HADHA: variants seen among roughly 807,000 people sequenced by gnomAD.
HADHA encodes trifunctional enzyme subunit alpha, mitochondrial.
A neutral mutation model predicts 91.3 loss-of-function variants in HADHA; 59 were observed. That is an observed-to-expected ratio of 0.65 (90% confidence interval 0.52 to 0.80). The LOEUF (loss-of-function observed/expected upper bound fraction) is 0.80, where lower values mean the gene tolerates loss of function less well. HADHA is among the 30% of genes least tolerant of loss of function. HADHA has a pLI of 0.00. For missense variants in HADHA, 800 were observed against 927.6 expected, an observed-to-expected ratio of 0.86 and a Z score of 1.79; for synonymous variants, 320 against 338.9, an observed-to-expected ratio of 0.94 and a Z score of 0.61.
chr2:26,231,218 T>A (rs1222759743), intron 6 of HADHA, among the ~76,000 whole-genome samples: 1 of 152,228 alleles, frequency 6.6e-6, no homozygotes, highest in Non-Finnish European at 1.5e-5. Flanking sequence ...ACATTATTAT[T>A]ATTAGAAAAT....
intron 11 of HADHA, among the ~76,000 whole-genome samples, chr2:26,207,553 C>T (rs1311151890): frequency 6.6e-6 from 1 of 152,108 alleles, no homozygotes; most frequent in Non-Finnish European, 1.5e-5. Context: ...GTTAAATTAA[C>T]ACACTTCACA....
chr2:26,201,822 T>A (rs564983886), intron 12 of HADHA, among the ~76,000 whole-genome samples: 1 of 151,878 alleles, frequency 6.6e-6, no homozygotes, highest in African/African-American at 2.4e-5. Context: ...TGAGACGGAG[T>A]CTCGCTCTGT....
chr2:26,214,342 A>G lies in HADHA; in HGVS notation c.918+101T>C. On this transcript the variant is annotated intron_variant, in intron 9 of 19. Coordinates refer to ENST00000380649, the MANE Select transcript of HADHA (RefSeq NM_000182.5). This position sits in a 1 kb window ranked among gnomAD's most constrained non-coding sequence, Gnocchi z 4.1. The stretch of plus-strand genomic sequence containing the variant: ...AATACTTTAATAGCAGAATTAAGAA[A>G]TTTAGTACTCAACATACATGGTCCA... 1 of 781,560 alleles carries G rather than the reference A, an allele frequency of 1.3e-6. No individual in the cohort carries two copies. The highest frequency in any genetic ancestry group is 2.4e-6 in the Non-Finnish European group (1 of 425,036). The allele number at this position is 781,560 out of a possible 1,614,324, so 48.4% of individuals were successfully genotyped here. A position where few individuals can be genotyped will look rare whatever the true frequency, so the allele number is the denominator to read the frequency against.
intron 5 of HADHA, among the ~76,000 whole-genome samples, chr2:26,233,791 A>C (rs1670681837): frequency 6.6e-6 from 1 of 152,226 alleles, no homozygotes; most frequent in African/African-American, 2.4e-5. Context: ...ATAACTAAAA[A>C]CAAAGCTATT....
chr2:26,241,423 C>T (rs1395592754), intron 1 of HADHA, among the ~76,000 whole-genome samples: 1 of 151,066 alleles, frequency 6.6e-6, no homozygotes, highest in East Asian at 1.9e-4. Context: ...AGTTAGAGAC[C>T]AGCCTGGCTG....
At position 26,191,741 on chromosome 2, in the gene HADHA, T is replaced by G. The variant is rs539850142; in HGVS notation, c.2001-113A>C. 1.9e-4 allele frequency: 205 copies of G among 1,066,270 alleles called. 1 individual carries two copies. Among genetic ancestry groups the G allele is most frequent in the Non-Finnish European group, 2.9e-4 (196 of 684,676 alleles). 66.1% of individuals were successfully genotyped at this position (1,066,270 alleles called of 1,614,324 possible). A position where few individuals can be genotyped will look rare whatever the true frequency, so the allele number is the denominator to read the frequency against. Reference sequence around the variant, plus strand: ...GTGCATGGGGAGCTCTGTGGGCCGGTTGGTGCTGGCCCTCAGAGAAGATGC... The same window carrying G: ...GTGCATGGGGAGCTCTGTGGGCCGGGTGGTGCTGGCCCTCAGAGAAGATGC... On this transcript the variant is annotated intron_variant, in intron 18 of 19. Coordinates refer to ENST00000380649, the MANE Select transcript of HADHA (RefSeq NM_000182.5).
Position 26,197,687 on chromosome 2 carries a change from T to G in HADHA, c.1479+4A>C, listed in dbSNP as rs756864103. The G allele has an allele frequency of 3.0e-6, 4 of 1,326,456 alleles. No homozygotes were observed. In the South Asian group the frequency reaches 4.7e-5, roughly 16 times the overall value. 82.2% of individuals were successfully genotyped at this position (1,326,456 alleles called of 1,614,324 possible). A position where few individuals can be genotyped will look rare whatever the true frequency, so the allele number is the denominator to read the frequency against. ...CTCAGGGTTTTTCTCTGTTCCGAGT[T>G]TACCTTCTCAGGTCTTTTGCTGACA... On this transcript the variant is annotated splice_donor_region_variant and intron_variant, in intron 14 of 19. Coordinates refer to ENST00000380649, the MANE Select transcript of HADHA (RefSeq NM_000182.5).
In HADHA at chr2:26,212,637, T is replaced by C. The variant is rs776863060; in HGVS notation, c.919-11A>G. On this transcript the variant is annotated splice_polypyrimidine_tract_variant and intron_variant, in intron 9 of 19. Transcript: ENST00000380649. ...TCCAGTCTTTACCACCTAAAAAACA[T>C]ATAAAGCACTTGCTCAGCGTTGGAA... 8 of 1,572,178 alleles carry C rather than the reference T, an allele frequency of 5.1e-6. No homozygotes were observed. Among genetic ancestry groups the C allele is most frequent in the East Asian group, 4.5e-5 (2 of 44,692 alleles).
intron 5 of HADHA, among the ~76,000 whole-genome samples, chr2:26,233,495 T>G (rs1670675197): frequency 6.6e-6 from 1 of 152,198 alleles, no homozygotes; most frequent in African/African-American, 2.4e-5. Context: ...TTCCTACATG[T>G]TCGGGTCTAG....
intron 17 of HADHA, among the ~76,000 whole-genome samples, chr2:26,193,151 T>C (rs981224310): frequency 1.7e-4 from 26 of 152,204 alleles, no homozygotes; most frequent in Admixed American, 4.6e-4. Context: ...TTCTGCACTA[T>C]TGCAGATTTC....
intron 7 of HADHA, among the ~76,000 whole-genome samples, chr2:26,222,171 GA>G (rs1457182151): frequency 6.6e-6 from 1 of 152,136 alleles, no homozygotes; most frequent in African/African-American, 2.4e-5. Context: ...AAAAAATTTG[GA>G]AACACAAAAG....
chr2:26,230,602 G>GT (rs535633594), intron 6 of HADHA, among the ~76,000 whole-genome samples: 3 of 151,886 alleles, frequency 2.0e-5, no homozygotes, highest in Non-Finnish European at 2.9e-5. Flanking sequence ...ATTCTGAGGG[G>GT]TTTTTTTCTA....
chr2:26,215,724 T>C (rs764162129), intron 7 of HADHA, among the ~76,000 whole-genome samples: 16 of 152,228 alleles, frequency 1.1e-4, no homozygotes, highest in Non-Finnish European at 2.4e-4. Flanking sequence ...TTGGTGGTCA[T>C]GTACAACAGA....
chr2:26,242,165 T>C (rs960561084), intron 1 of HADHA, among the ~76,000 whole-genome samples: 7 of 152,156 alleles, frequency 4.6e-5, no homozygotes, highest in Middle Eastern at 3.2e-3. Flanking sequence ...ACTGGGATTA[T>C]AGGCATGAGC....
At position 26,191,536 on chromosome 2, in the gene HADHA, G is replaced by A. The variant is rs779726875; in HGVS notation, c.2093C>T (p.Ala698Val). ...CLQEGILATP[A>V]EGDIGAVFGL... is the part of the protein sequence containing the mutation. ...AAAGACGGCTCCGATGTCTCCCTCTGCAGGTGTGGCCAAGATCCCCTCTTG... is the reference window on the plus strand; with the variant it reads ...AAAGACGGCTCCGATGTCTCCCTCTACAGGTGTGGCCAAGATCCCCTCTTG... The change falls in exon 19 of 20, where the codon GCA becomes GTA. Residue 698 changes from alanine (A) to valine (V), a missense_variant. Coordinates refer to ENST00000380649, the MANE Select transcript of HADHA (RefSeq NM_000182.5). 4 of 1,614,176 alleles carry A rather than the reference G, an allele frequency of 2.5e-6. No homozygotes were observed. In the South Asian group the frequency reaches 3.3e-5, roughly 13 times the overall value.
intron 13 of HADHA, among the ~76,000 whole-genome samples, chr2:26,198,101 G>A (rs1415351339): frequency 6.6e-6 from 1 of 152,100 alleles, no homozygotes; most frequent in East Asian, 1.9e-4. Flanking sequence ...GCCTTGAATT[G>A]CAATTCATTG....
Position 26,197,742 on chromosome 2 carries a change from T to C in HADHA, c.1428A>G (p.Thr476=), listed in dbSNP as rs771205629. The change falls in exon 14 of 20, where the codon ACA becomes ACG. Residue 476 remains threonine, a synonymous_variant. Coordinates refer to ENST00000380649, the MANE Select transcript of HADHA (RefSeq NM_000182.5). Reference sequence around the variant, plus strand: ...CGATTTCACTGATTGGGAGAGCAGATGTGTTACTGGCAAAGATACAGTGAT... The same window carrying C: ...CGATTTCACTGATTGGGAGAGCAGACGTGTTACTGGCAAAGATACAGTGAT... ...IPDHCIFASN[T]SALPISEIAA... 1.3e-6 allele frequency: 2 copies of C among 1,558,552 alleles called. No homozygotes were observed. Among genetic ancestry groups the C allele is most frequent in the Admixed American group, 1.7e-5 (1 of 59,988 alleles).
At chr2:26,234,444 T>C (rs1478265941) in intron 4 of HADHA, 89 bp from the exon 5 acceptor site, 1 of 1,099,370 alleles carries the variant, frequency 9.1e-7, no homozygotes, top group South Asian at 1.3e-5. Context: ...ACTTATCCTA[T>C]CATGCATCAA....
At chr2:26,201,966 T>A (rs1669856527) in intron 12 of HADHA, among the ~76,000 whole-genome samples, 1 of 150,476 alleles carries the variant, frequency 6.6e-6, no homozygotes, top group South Asian at 2.1e-4. Flanking sequence ...GGCTAATTTT[T>A]TTTTTTTTTT....
Sources: allele counts gnomAD v4.1 joint callset (sites outside exome capture counted in the v4.1 genomes callset), GRCh38; gene constraint gnomAD v4.1.1; non-coding constraint Gnocchi (gnomAD v3.1); transcripts MANE v1.5; gene names NCBI Gene and HGNC (gene_info 2026-07-23, HGNC 2026-07-21).